The following CROT variants were observed in gnomAD, a reference collection of about 807,000 sequenced individuals.
The protein encoded by CROT is carnitine O-octanoyltransferase.
In CROT, 84 loss-of-function variants were observed where a neutral mutation model predicts 89.2. The ratio of observed to expected loss-of-function variants is 0.94; its 90% CI spans 0.79 to 1.13. The LOEUF is 1.13. CROT is among the 50% of genes most tolerant of loss of function. The probability of loss-of-function intolerance (pLI) is 0.00; values close to 1 mark genes in which losing one functional copy is unlikely to be tolerated. For missense variants in CROT, 711 were observed against 727.8 expected, an observed-to-expected ratio of 0.98 and a Z score of 0.27; for synonymous variants, 212 against 239.5, an observed-to-expected ratio of 0.89 and a Z score of 1.06.
At chr7:87,380,154 T>C (rs1398420591) in intron 10 of CROT, among the ~76,000 whole-genome samples, 1 of 152,134 alleles carries the variant, frequency 6.6e-6, no homozygotes, top group Non-Finnish European at 1.5e-5. Flanking sequence ...TACTGTAAAA[T>C]AAAGCTTATT....
intron 7 of CROT, among the ~76,000 whole-genome samples, chr7:87,371,346 A>G (rs1172347315): frequency 6.6e-6 from 1 of 152,202 alleles, no homozygotes; most frequent in Non-Finnish European, 1.5e-5. Context: ...TAATCTTTCC[A>G]TATTGGTACA....
rs1807630458 is a variant in CROT at position 87,398,555 on chromosome 7, T to C, written c.1750T>C (p.Cys584Arg). 3 of 1,613,922 alleles carry C rather than the reference T, an allele frequency of 1.9e-6. No homozygotes were observed. The South Asian group carries it at 3.3e-5, about 18-fold the overall frequency. Residue 584 changes from cysteine to arginine, a missense_variant, in exon 18 of 18, where the codon TGT becomes CGT. Transcript: ENST00000331536. ...TGTGGCCTGTTCAGCCTGGAAATCC[T>C]GTCCCGAGACTGATGCGGAAAAGCT... ...FVVACSAWKS[C>R]PETDAEKLVQ...
At chr7:87,373,163 A>G (rs1562933572) in intron 7 of CROT, among the ~76,000 whole-genome samples, 1 of 151,988 alleles carries the variant, frequency 6.6e-6, no homozygotes, top group East Asian at 1.9e-4. Flanking sequence ...GTAAAGTGGG[A>G]TCTCGTTGTA....
chr7:87,347,220 T>C (rs1805712517), intron 2 of CROT, among the ~76,000 whole-genome samples: 1 of 152,218 alleles, frequency 6.6e-6, no homozygotes, highest in African/African-American at 2.4e-5. Context: ...AATATCACAA[T>C]CACAGGAGTA....
At chr7:87,381,850 A>G in intron 10 of CROT, 60 bp from the exon 11 acceptor site, 1 of 1,168,960 alleles carries the variant, frequency 8.6e-7, no homozygotes, top group Non-Finnish European at 1.2e-6. Context: ...AAAATAAAAT[A>G]TTGGGTCAAG....
chr7:87,351,910 G>A (rs1164202236), intron 3 of CROT, among the ~76,000 whole-genome samples: 1 of 152,152 alleles, frequency 6.6e-6, no homozygotes, highest in African/African-American at 2.4e-5. Context: ...TTGAACAAAC[G>A]TGCATGTAAC....
chr7:87,391,476 T>A (rs1340252890), intron 13 of CROT, 113 bp from the exon 14 acceptor site: 1 of 968,732 alleles, frequency 1.0e-6, no homozygotes, highest in Non-Finnish European at 1.5e-6. Context: ...CCAACCTATC[T>A]GTGTTAAAGG....
intron 17 of CROT, among the ~76,000 whole-genome samples, chr7:87,393,786 A>G (rs1325222963): frequency 1.3e-5 from 2 of 152,226 alleles, no homozygotes; most frequent in African/African-American, 2.4e-5. Context: ...AGTAATATGC[A>G]TGACATATTT....
At chr7:87,381,888 A>G (rs1045182924) in intron 10 of CROT, 22 bp from the exon 11 acceptor site, 14 of 1,538,580 alleles carry the variant, frequency 9.1e-6, no homozygotes, top group Non-Finnish European at 1.2e-5. Flanking sequence ...GTATTCAGAA[A>G]TCTTGTGTGT....
At chr7:87,367,316 A>C (rs1562931600) in intron 6 of CROT, among the ~76,000 whole-genome samples, 2 of 152,202 alleles carry the variant, frequency 1.3e-5, no homozygotes, top group African/African-American at 4.8e-5. Context: ...GAAGGGGTTC[A>C]TGAGCCCAAG....
At chr7:87,371,993 C>CAAAAAAAAAAA (rs76864305) in intron 7 of CROT, among the ~76,000 whole-genome samples, 1 of 59,744 alleles carries the variant, frequency 1.7e-5, no homozygotes, top group Admixed American at 1.8e-4. Context: ...GACGCTGTCT[C>CAAAAAAAAAAA]AAAAAAAAAA....
At chr7:87,388,537 A>G (rs776111546) in intron 13 of CROT, among the ~76,000 whole-genome samples, 1 of 152,198 alleles carries the variant, frequency 6.6e-6, no homozygotes, top group Non-Finnish European at 1.5e-5. Context: ...AGGATTCCCT[A>G]TTTAATAAAC....
intron 3 of CROT, among the ~76,000 whole-genome samples, chr7:87,355,440 C>G (rs1252027304): frequency 6.6e-6 from 1 of 152,152 alleles, no homozygotes; most frequent in Non-Finnish European, 1.5e-5. Context: ...TCACATCTCT[C>G]TCTCCCTACT....
chr7:87,382,607 C>T (rs565722452), intron 13 of CROT, 64 bp downstream of exon 13: 2 of 1,489,866 alleles, frequency 1.3e-6, no homozygotes, highest in Non-Finnish European at 1.8e-6. Flanking sequence ...TTTTTTATAG[C>T]TATTTCATCC....
chr7:87,354,722 T>G (rs1192146676), intron 3 of CROT, among the ~76,000 whole-genome samples: 1 of 152,200 alleles, frequency 6.6e-6, no homozygotes, highest in Non-Finnish European at 1.5e-5. Context: ...TGGGATATGA[T>G]TCTGAGACTT....
chr7:87,372,801 G>T (rs1806684703), intron 7 of CROT, among the ~76,000 whole-genome samples: 1 of 151,812 alleles, frequency 6.6e-6, no homozygotes, highest in Non-Finnish European at 1.5e-5. Flanking sequence ...CCTTTTTATT[G>T]CTGAATAACA....
chr7:87,367,760 C>T (rs151017731), intron 6 of CROT, among the ~76,000 whole-genome samples: 1 of 152,088 alleles, frequency 6.6e-6, no homozygotes, highest in Non-Finnish European at 1.5e-5. Context: ...CTTGATTGTT[C>T]CAGTCTGTAA....
intron 17 of CROT, among the ~76,000 whole-genome samples, chr7:87,394,725 C>G (rs1465935641): frequency 6.6e-6 from 1 of 151,888 alleles, no homozygotes; most frequent in African/African-American, 2.4e-5. Context: ...AAAGGCATAC[C>G]TATAGACTCT....
intron 3 of CROT, among the ~76,000 whole-genome samples, chr7:87,353,727 G>A (rs1478478927): frequency 6.6e-6 from 1 of 152,164 alleles, no homozygotes; most frequent in African/African-American, 2.4e-5. Flanking sequence ...GTGACAGTGA[G>A]GAAGAGGTGC....
Sources: allele counts gnomAD v4.1 joint callset (sites outside exome capture counted in the v4.1 genomes callset), GRCh38; gene constraint gnomAD v4.1.1; transcripts MANE v1.5; gene names NCBI Gene and HGNC (gene_info 2026-07-23, HGNC 2026-07-21).